Variants in PPARD observed in about 807,000 individuals in gnomAD.
PPARD encodes peroxisome proliferator-activated receptor delta.
Under a neutral mutation model 39.5 loss-of-function variants are expected in PPARD, and 6 were observed. That is an observed-to-expected ratio of 0.15 (90% confidence interval 0.08 to 0.30). The LOEUF (loss-of-function observed/expected upper bound fraction) is 0.30, where lower values mean the gene tolerates loss of function less well. Among genes scored for constraint, PPARD ranks in the 10% least tolerant of loss-of-function variants. The pLI, the probability that PPARD is intolerant of heterozygous loss-of-function variation, is 1.00. For missense variants in PPARD, 397 were observed against 596.8 expected (o/e 0.67, Z 3.49); for synonymous variants, 210 against 231.3 (o/e 0.91, Z 0.83).
intron 2 of PPARD, among the ~76,000 whole-genome samples, chr6:35,374,308 TGGG>T (rs750412240): frequency 7.9e-6 from 1 of 126,124 alleles, no homozygotes; most frequent in African/African-American, 4.5e-5. Flanking sequence ...TTCTCGGCGG[TGGG>T]GCGGGGGGGT....
At chr6:35,419,995 T>G (rs1301850050) in intron 3 of PPARD, 132 bp from the exon 4 acceptor site, 1 of 1,059,822 alleles carries the variant, frequency 9.4e-7, no homozygotes, top group Non-Finnish European at 1.3e-6. Context: ...AAGAAACTGG[T>G]CCTCAGAAAG....
chr6:35,399,081 C>T lies in PPARD; in HGVS notation c.-101-11906C>T, dbSNP rs9462079. On this transcript the variant is annotated intron_variant, in intron 2 of 7. Coordinates refer to ENST00000360694, the MANE Select transcript of PPARD (RefSeq NM_006238.5). ...TGAGCTGAGATCGAGCCATTGCACT[C>T]CAGCCTGGGCAACAGTGAGACCCTG... 2.7e-3 allele frequency among the ~76,000 whole-genome samples: 410 copies of T among 151,540 alleles called. 2 individuals carry two copies. The highest frequency in any genetic ancestry group is 9.4e-3 in the African/African-American group (389 of 41,244).
At chr6:35,387,217 A>C (rs908532641) in intron 2 of PPARD, among the ~76,000 whole-genome samples, 2 of 151,318 alleles carry the variant, frequency 1.3e-5, no homozygotes, top group Non-Finnish European at 2.9e-5. Flanking sequence ...AGCTCACAGG[A>C]TGTTTTCTTC....
At chr6:35,347,855 C>T (rs9368859) in intron 2 of PPARD, among the ~76,000 whole-genome samples, 6,644 of 150,258 alleles carry the variant, frequency 0.044, 364 homozygotes, top group East Asian at 0.3. Flanking sequence ...GTGATCCGCC[C>T]GCCTCAGCCT....
intron 2 of PPARD, among the ~76,000 whole-genome samples, chr6:35,349,237 A>G (rs975818068): frequency 1.1e-4 from 16 of 151,670 alleles, no homozygotes; most frequent in Non-Finnish European, 1.6e-4. Context: ...GTGTTAGCCA[A>G]GATGGTCTCG....
intron 3 of PPARD, 122 bp from the exon 4 acceptor site, chr6:35,420,005 G>C: frequency 8.3e-7 from 1 of 1,207,918 alleles, no homozygotes; most frequent in Non-Finnish European, 1.1e-6. Context: ...TCCTCAGAAA[G>C]GTTGACTCCC....
intron 2 of PPARD, among the ~76,000 whole-genome samples, chr6:35,351,463 G>A (rs557482278): frequency 2.0e-5 from 3 of 152,328 alleles, no homozygotes; most frequent in East Asian, 3.9e-4. Flanking sequence ...TTGGGAAGCT[G>A]TCGGGCTCAC....
At position 35,400,610 on chromosome 6, in the gene PPARD, G is replaced by C. The variant is rs534982148; in HGVS notation, c.-101-10377G>C. Among the ~76,000 whole-genome samples, 6 of 152,062 alleles carry C rather than the reference G, an allele frequency of 3.9e-5. No individual in the cohort carries two copies. In the East Asian group the frequency reaches 1.2e-3, roughly 29 times the overall value. The stretch of plus-strand genomic sequence containing the variant: ...AGCCCAGGAGTTCGAGACCAGCCTG[G>C]GCAACATGGCAAAACCCCGTCTCTA... On this transcript the variant is annotated intron_variant, in intron 2 of 7. Transcript: ENST00000360694.
At chr6:35,407,093 C>A (rs1205967548) in intron 2 of PPARD, among the ~76,000 whole-genome samples, 1 of 152,170 alleles carries the variant, frequency 6.6e-6, no homozygotes, top group Non-Finnish European at 1.5e-5. Context: ...TTGGTCCTGA[C>A]AGGGAGCTCC....
intron 2 of PPARD, among the ~76,000 whole-genome samples, chr6:35,349,506 A>T (rs913044906): frequency 6.6e-6 from 1 of 152,170 alleles, no homozygotes; most frequent in Non-Finnish European, 1.5e-5. Flanking sequence ...TCATGTTTTA[A>T]TAAAGTTTAC....
intron 2 of PPARD, among the ~76,000 whole-genome samples, chr6:35,349,879 T>G (rs937686607): frequency 6.6e-6 from 1 of 151,864 alleles, no homozygotes; most frequent in African/African-American, 2.4e-5. Context: ...GTAGCTCAGA[T>G]TACAGGCGCC....
chr6:35,349,774 T>C (rs936093279), intron 2 of PPARD, among the ~76,000 whole-genome samples: 2 of 152,020 alleles, frequency 1.3e-5, no homozygotes, highest in Non-Finnish European at 2.9e-5. Flanking sequence ...GGAATCTTGC[T>C]CTTGTCACCC....
At chr6:35,348,570 A>G in intron 2 of PPARD, 1 of 985,302 alleles carries the variant, frequency 1.0e-6, no homozygotes, top group South Asian at 4.7e-5. Flanking sequence ...ATTTGTTTTA[A>G]TCTCTGAAGT....
At chr6:35,386,529 A>T (rs1203764672) in intron 2 of PPARD, among the ~76,000 whole-genome samples, 1 of 152,070 alleles carries the variant, frequency 6.6e-6, no homozygotes, top group African/African-American at 2.4e-5. Flanking sequence ...TTCATTTGGT[A>T]CTTGGCTTTT....
rs1762055071 is a variant in PPARD at position 35,363,936 on chromosome 6, AT to A, written c.-102+16789del. Among the ~76,000 whole-genome samples the A allele has an allele frequency of 1.3e-5, 2 of 149,542 alleles. No individual in the cohort carries two copies. The highest frequency in any genetic ancestry group is 4.2e-4 in the South Asian group (2 of 4,814). On this transcript the variant is annotated intron_variant, in intron 2 of 7. Coordinates refer to ENST00000360694, the MANE Select transcript of PPARD (RefSeq NM_006238.5). This position sits in a 1 kb window ranked among gnomAD's most constrained non-coding sequence, Gnocchi z 4.5. ...TTTATATATTATATTAAATTAATAT[AT>A]TTATATATTATATTAACGGTTTTAT...
At chr6:35,385,927 A>T (rs1353779159) in intron 2 of PPARD, among the ~76,000 whole-genome samples, 1 of 152,084 alleles carries the variant, frequency 6.6e-6, no homozygotes, top group Non-Finnish European at 1.5e-5. Context: ...GGGGTAGGAA[A>T]GGAGGATCAT....
chr6:35,411,321 A>C, intron 3 of PPARD, 104 bp downstream of exon 3: 1 of 1,292,458 alleles, frequency 7.7e-7, no homozygotes, highest in Non-Finnish European at 1.0e-6. Flanking sequence ...GCAGAGTAGC[A>C]GAGTGCTGAA....
At chr6:35,367,159 A>G (rs75187066) in intron 2 of PPARD, among the ~76,000 whole-genome samples, 7,671 of 152,248 alleles carry the variant, frequency 0.05, 640 homozygotes, top group African/African-American at 0.17. Flanking sequence ...CAAAGATAAC[A>G]CTGTAACAGG....
intron 2 of PPARD, among the ~76,000 whole-genome samples, chr6:35,379,445 C>A (rs1240258917): frequency 1.3e-5 from 2 of 152,182 alleles, no homozygotes; most frequent in East Asian, 3.8e-4. Context: ...CCCATTAGTT[C>A]TTTCTTGACA....
Sources: allele counts gnomAD v4.1 joint callset (sites outside exome capture counted in the v4.1 genomes callset), GRCh38; gene constraint gnomAD v4.1.1; non-coding constraint Gnocchi (gnomAD v3.1); transcripts MANE v1.5; gene names NCBI Gene and HGNC (gene_info 2026-07-23, HGNC 2026-07-21).